Variants in PRKN observed in about 807,000 individuals in gnomAD.
PRKN encodes parkin RBR E3 ubiquitin protein ligase.
A neutral mutation model predicts 59.5 loss-of-function variants in PRKN; 56 were observed. The ratio of observed to expected loss-of-function variants is 0.94; its 90% confidence interval spans 0.76 to 1.18. The LOEUF (loss-of-function observed/expected upper bound fraction) is 1.18. Ranked by LOEUF, PRKN falls within the 50% of genes most tolerant of loss-of-function variation. The pLI, the probability that PRKN is intolerant of heterozygous loss-of-function variation, is 0.00. For missense variants in PRKN, 657 were observed against 596.4 expected, an observed-to-expected ratio of 1.10 and a Z score of -1.06; for synonymous variants, 250 against 222.1, an observed-to-expected ratio of 1.13 and a Z score of -1.12.
intron 9 of PRKN, among the ~76,000 whole-genome samples, chr6:161,435,288 T>C (rs1241992236): frequency 1.3e-5 from 2 of 152,178 alleles, no homozygotes; most frequent in Non-Finnish European, 2.9e-5. Context: ...TACATTCCCA[T>C]TGTCCTAAAA....
In PRKN at chr6:161,442,771, C is replaced by T. The variant is rs1299105025; in HGVS notation, c.1084-55894G>A. Reference sequence around the variant, plus strand: ...GCAGCCGTGGAGACGAACAGCTTACCGAGAGCCTCTGCCAGGAAGCAAAAG... The same window carrying T: ...GCAGCCGTGGAGACGAACAGCTTACTGAGAGCCTCTGCCAGGAAGCAAAAG... On this transcript the variant is annotated intron_variant, in intron 9 of 11. Transcript: ENST00000366898. The surrounding 1 kb of genome is among the most constrained non-coding windows in gnomAD (Gnocchi z 4.6). Among the ~76,000 whole-genome samples, 2 of 152,194 alleles carry T rather than the reference C, an allele frequency of 1.3e-5. No homozygotes were observed. The highest frequency in any genetic ancestry group is 2.9e-5 in the Non-Finnish European group (2 of 68,028).
intron 1 of PRKN, among the ~76,000 whole-genome samples, chr6:162,725,944 C>T (rs1365815741): frequency 1.3e-5 from 2 of 152,112 alleles, no homozygotes; most frequent in African/African-American, 2.4e-5. Context: ...TATGTAAAAC[C>T]ATGGCTGGAG....
At chr6:162,526,189 C>CA (rs1430319456) in intron 1 of PRKN, among the ~76,000 whole-genome samples, 1 of 141,732 alleles carries the variant, frequency 7.1e-6, no homozygotes, top group Non-Finnish European at 1.5e-5. Context: ...ATGTAGATGA[C>CA]AAACTATCGG....
At chr6:161,966,880 A>G (rs1456258544) in intron 6 of PRKN, among the ~76,000 whole-genome samples, 2 of 152,196 alleles carry the variant, frequency 1.3e-5, no homozygotes, top group Non-Finnish European at 2.9e-5. Context: ...TGCCCAGGCT[A>G]GAGTGCAGTG....
intron 2 of PRKN, among the ~76,000 whole-genome samples, chr6:162,416,084 A>G (rs1327948109): frequency 6.6e-6 from 1 of 152,174 alleles, no homozygotes; most frequent in Non-Finnish European, 1.5e-5. Context: ...GACCTCCAGT[A>G]TCATGCTTTA....
At chr6:162,405,696 G>A (rs904365531) in intron 2 of PRKN, among the ~76,000 whole-genome samples, 1 of 152,128 alleles carries the variant, frequency 6.6e-6, no homozygotes, top group Non-Finnish European at 1.5e-5. Context: ...GGCAAGATTA[G>A]GACAGGAGAG....
intron 6 of PRKN, among the ~76,000 whole-genome samples, chr6:161,856,550 G>A (rs1446718152): frequency 6.6e-6 from 1 of 151,778 alleles, no homozygotes; most frequent in African/African-American, 2.4e-5. Context: ...TTTTTTAGTA[G>A]CACATTTTTA....
chr6:162,337,111 A>G (rs961684430), intron 2 of PRKN, among the ~76,000 whole-genome samples: 1 of 152,204 alleles, frequency 6.6e-6, no homozygotes, highest in Non-Finnish European at 1.5e-5. Flanking sequence ...GTAAACTCTC[A>G]TCTCTAAAAA....
chr6:161,419,221 C>T lies in PRKN; in HGVS notation c.1084-32344G>A, dbSNP rs1232362062. Among the ~76,000 whole-genome samples the T allele has an allele frequency of 1.3e-5, 2 of 152,160 alleles. No individual in the cohort carries two copies. The highest frequency in any genetic ancestry group is 2.4e-5 in the African/African-American group (1 of 41,426). On this transcript the variant is annotated intron_variant, in intron 9 of 11. Transcript: ENST00000366898. This position sits in a 1 kb window ranked among gnomAD's most constrained non-coding sequence, Gnocchi z 4.1. Reference sequence around the variant, plus strand: ...TTGTGCGTGATCTCACCTGTTCCCCCACTTATGTGACCATTTTACAATGAA... The same window carrying T: ...TTGTGCGTGATCTCACCTGTTCCCCTACTTATGTGACCATTTTACAATGAA...
chr6:162,200,761 A>T (rs1220074569), intron 4 of PRKN, among the ~76,000 whole-genome samples: 1 of 152,190 alleles, frequency 6.6e-6, no homozygotes, highest in Non-Finnish European at 1.5e-5. Flanking sequence ...TAACCATGCT[A>T]CCATCACACA....
At chr6:162,364,926 C>T (rs950092065) in intron 2 of PRKN, among the ~76,000 whole-genome samples, 1 of 151,442 alleles carries the variant, frequency 6.6e-6, no homozygotes, top group Non-Finnish European at 1.5e-5. Flanking sequence ...AACTACAAGC[C>T]CTAAGGCATT....
chr6:161,841,004 G>A (rs531443998), intron 6 of PRKN, among the ~76,000 whole-genome samples: 2 of 152,340 alleles, frequency 1.3e-5, no homozygotes, highest in African/African-American at 4.8e-5. Context: ...GTGGAAGACA[G>A]TGTGATGATT....
chr6:161,781,891 A>G (rs1424056027), intron 7 of PRKN, among the ~76,000 whole-genome samples: 4 of 152,254 alleles, frequency 2.6e-5, no homozygotes, highest in Admixed American at 6.5e-5. Context: ...ATATATAATT[A>G]GAAACAAAGC....
chr6:161,722,742 TTTTAA>T (rs1216972647), intron 7 of PRKN, among the ~76,000 whole-genome samples: 4 of 152,242 alleles, frequency 2.6e-5, no homozygotes, highest in African/African-American at 4.8e-5. Context: ...TTTATTCTTC[TTTTAA>T]TTTGACATTA....
chr6:161,668,170 A>G (rs1016990458), intron 7 of PRKN, among the ~76,000 whole-genome samples: 4 of 152,032 alleles, frequency 2.6e-5, no homozygotes, highest in African/African-American at 7.2e-5. Flanking sequence ...CACTTACTAA[A>G]ATGTAACAAT....
At chr6:162,323,219 A>G (rs1198125822) in intron 2 of PRKN, among the ~76,000 whole-genome samples, 10 of 151,934 alleles carry the variant, frequency 6.6e-5, no homozygotes, top group Admixed American at 2.6e-4. Flanking sequence ...CTAAAACTTA[A>G]AGTATAATAA....
chr6:162,116,281 C>T (rs921194176), intron 4 of PRKN, among the ~76,000 whole-genome samples: 24 of 152,162 alleles, frequency 1.6e-4, no homozygotes, highest in African/African-American at 5.6e-4. Flanking sequence ...TTAACTGACT[C>T]CACAGAAAAG....
chr6:162,102,811 A>G lies in PRKN; in HGVS notation c.535-48637T>C, dbSNP rs60262688. The stretch of plus-strand genomic sequence containing the variant: ...GTAATCCCAGCACTTTGGGAGGCCG[A>G]GGCAGGCGGATCACGAGGTCAGGAG... On this transcript the variant is annotated intron_variant, in intron 4 of 11. Coordinates refer to ENST00000366898, the MANE Select transcript of PRKN (RefSeq NM_004562.3). Among the ~76,000 whole-genome samples, 628 of 144,708 alleles carry G rather than the reference A, an allele frequency of 4.3e-3. 26 individuals are homozygous for G. In the East Asian group the frequency reaches 0.092, roughly 21 times the overall value. 94.9% of individuals were successfully genotyped at this position (144,708 alleles called of 152,430 possible).
intron 5 of PRKN, among the ~76,000 whole-genome samples, chr6:162,011,103 T>TATA: frequency 3.9e-4 from 1 of 2,586 alleles, no homozygotes; most frequent in Non-Finnish European, 5.5e-4. Context: ...ATATAATATA[T>TATA]TTATAATATA....
Sources: allele counts gnomAD v4.1 joint callset (sites outside exome capture counted in the v4.1 genomes callset), GRCh38; gene constraint gnomAD v4.1.1; non-coding constraint Gnocchi (gnomAD v3.1); transcripts MANE v1.5; gene names NCBI Gene and HGNC (gene_info 2026-07-23, HGNC 2026-07-21).